The following ZNF536 variants were observed in gnomAD, a reference collection of about 807,000 sequenced individuals.
ZNF536 encodes zinc finger protein 536.
A neutral mutation model predicts 84.5 loss-of-function variants in ZNF536; 13 were observed. The ratio of observed to expected loss-of-function variants is 0.15; its 90% CI spans 0.10 to 0.24. The LOEUF (loss-of-function observed/expected upper bound fraction) is 0.24. ZNF536 is among the 10% of genes least tolerant of loss of function. The pLI, the probability that ZNF536 is intolerant of heterozygous loss-of-function variation, is 1.00. For synonymous variants in ZNF536, 811 were observed against 742.5 expected, an observed-to-expected ratio of 1.09 and a Z score of -1.50; for missense variants, 1,536 against 1,747.5, an observed-to-expected ratio of 0.88 and a Z score of 2.16.
Position 30,307,125 on chromosome 19 carries a change from C to T in ZNF536, c.-120+22984C>T, listed in dbSNP as rs1254829029. Among the ~76,000 whole-genome samples, 5 of 152,066 alleles carry T rather than the reference C, an allele frequency of 3.3e-5. No individual in the cohort carries two copies. In the East Asian group the frequency reaches 5.8e-4, roughly 18 times the overall value. The stretch of plus-strand genomic sequence containing the variant: ...CTTAGAAGGATGTAATTTATTATCT[C>T]GAATTCGCATGGCAACATGAATTTG... On this transcript the variant is annotated intron_variant, in intron 2 of 5. Transcript: ENST00000585628.
chr19:30,343,109 A>G (rs1364974645), intron 2 of ZNF536, among the ~76,000 whole-genome samples: 1 of 152,130 alleles, frequency 6.6e-6, no homozygotes, highest in Non-Finnish European at 1.5e-5. Flanking sequence ...GGGCCCCTGG[A>G]TAAGCCCTTC....
chr19:30,420,093 C>T (rs1479873334), intron 1 of ZNF536, among the ~76,000 whole-genome samples: 1 of 152,158 alleles, frequency 6.6e-6, no homozygotes, highest in Non-Finnish European at 1.5e-5. Flanking sequence ...TGTGACACTC[C>T]CAGGGATGTC....
chr19:30,484,522 C>T (rs947624935), intron 2 of ZNF536, among the ~76,000 whole-genome samples: 7 of 151,644 alleles, frequency 4.6e-5, no homozygotes, highest in Admixed American at 4.6e-4. Context: ...AGGCGTGAGC[C>T]ACCGCATGCA....
chr19:30,638,493 G>T (rs958549113), intron 1 of ZNF536, among the ~76,000 whole-genome samples: 1 of 152,120 alleles, frequency 6.6e-6, no homozygotes. Flanking sequence ...CGTGAGAGGG[G>T]GGAAGTGCTA....
chr19:30,619,383 G>A (rs2048405214), intron 1 of ZNF536, among the ~76,000 whole-genome samples: 1 of 152,170 alleles, frequency 6.6e-6, no homozygotes, highest in Admixed American at 6.5e-5. Context: ...GATCCAAAAT[G>A]AGATTCAGCT....
intron 1 of ZNF536, among the ~76,000 whole-genome samples, chr19:30,654,829 AC>A (rs931428056): frequency 1.4e-5 from 2 of 139,186 alleles, no homozygotes; most frequent in African/African-American, 5.3e-5. Flanking sequence ...TCTGCCACCC[AC>A]CCCCCACACA....
intron 2 of ZNF536, among the ~76,000 whole-genome samples, chr19:30,285,975 T>C (rs2045610708): frequency 1.3e-5 from 2 of 152,196 alleles, no homozygotes; most frequent in African/African-American, 4.8e-5. Context: ...CAGAGTTCCA[T>C]GGTGCTTTTT....
chr19:30,327,038 C>T (rs1382871282), intron 2 of ZNF536, among the ~76,000 whole-genome samples: 1 of 151,818 alleles, frequency 6.6e-6, no homozygotes, highest in African/African-American at 2.4e-5. Flanking sequence ...TTGCTTCAGC[C>T]CAGCAATAAC....
chr19:30,581,417 C>T (rs2046916790), intron 1 of ZNF536, among the ~76,000 whole-genome samples: 1 of 152,082 alleles, frequency 6.6e-6, no homozygotes, highest in Non-Finnish European at 1.5e-5. Context: ...GTCGAGGTTG[C>T]AGTGAGCTGA....
chr19:30,369,810 T>C (rs1049504507), upstream of ZNF536, among the ~76,000 whole-genome samples: 1 of 152,088 alleles, frequency 6.6e-6, no homozygotes, highest in Non-Finnish European at 1.5e-5. Flanking sequence ...GTTTCCACTT[T>C]TAGATTAAGA....
chr19:30,530,084 G>T (rs2044742144), intron 2 of ZNF536, among the ~76,000 whole-genome samples: 1 of 152,192 alleles, frequency 6.6e-6, no homozygotes, highest in Admixed American at 6.5e-5. Context: ...GTCTCTAGGA[G>T]CTGGCAGGGG....
At chr19:30,299,255 G>A (rs563290219) in intron 2 of ZNF536, among the ~76,000 whole-genome samples, 6 of 152,232 alleles carry the variant, frequency 3.9e-5, no homozygotes, top group African/African-American at 1.4e-4. Flanking sequence ...ATTTAAATAA[G>A]CAACATCTGG....
intron 2 of ZNF536, among the ~76,000 whole-genome samples, chr19:30,504,709 A>G (rs2055095073): frequency 1.3e-5 from 2 of 148,690 alleles, no homozygotes; most frequent in Admixed American, 6.8e-5. Flanking sequence ...CCACCCACTG[A>G]GCATCTGCTT....
intron 1 of ZNF536, among the ~76,000 whole-genome samples, chr19:30,667,625 CTT>C (rs57656065): frequency 1.2e-4 from 15 of 123,928 alleles, no homozygotes; most frequent in Admixed American, 3.2e-4. Flanking sequence ...TTTTTTCTAG[CTT>C]TTTTTTTTTT....
intron 2 of ZNF536, among the ~76,000 whole-genome samples, chr19:30,476,836 C>T (rs2053867653): frequency 6.6e-6 from 1 of 152,158 alleles, no homozygotes; most frequent in Non-Finnish European, 1.5e-5. Flanking sequence ...GCCTGCCTGC[C>T]TCTTGGACTC....
chr19:30,461,803 G>C (rs899490694), intron 2 of ZNF536, among the ~76,000 whole-genome samples: 1 of 152,182 alleles, frequency 6.6e-6, no homozygotes, highest in Non-Finnish European at 1.5e-5. Flanking sequence ...CCGCAGCTCC[G>C]TGTGGGGAGA....
intron 2 of ZNF536, among the ~76,000 whole-genome samples, chr19:30,341,279 G>C (rs1265361670): frequency 6.6e-6 from 1 of 152,182 alleles, no homozygotes; most frequent in Non-Finnish European, 1.5e-5. Context: ...GAAAAAAATA[G>C]TTTGTTGAGA....
At chr19:30,354,278 C>A (rs895458300) in intron 3 of ZNF536, among the ~76,000 whole-genome samples, 4 of 152,038 alleles carry the variant, frequency 2.6e-5, no homozygotes, top group Admixed American at 2.6e-4. Context: ...CACAGATATC[C>A]TTTGGATGGG....
intron 2 of ZNF536, among the ~76,000 whole-genome samples, chr19:30,533,235 C>T (rs371232669): frequency 2.0e-5 from 3 of 152,276 alleles, no homozygotes; most frequent in African/African-American, 7.2e-5. Flanking sequence ...AATTAAATGT[C>T]TCGGACCCAG....
Sources: allele counts gnomAD v4.1 joint callset (sites outside exome capture counted in the v4.1 genomes callset), GRCh38; gene constraint gnomAD v4.1.1; transcripts MANE v1.5; gene names NCBI Gene and HGNC (gene_info 2026-07-23, HGNC 2026-07-21).